Variants in PCDH15 observed in about 807,000 individuals in gnomAD.
The protein encoded by PCDH15 is protocadherin related 15, also known as protocadherin-15.
In PCDH15, 129 loss-of-function variants were observed where a neutral mutation model predicts 178.5. The ratio of observed to expected loss-of-function variants is 0.72; its 90% CI spans 0.63 to 0.84. The LOEUF (loss-of-function observed/expected upper bound fraction) is 0.84. PCDH15 is among the 40% of genes least tolerant of loss of function. The pLI is 0.00. For synonymous variants in PCDH15, 800 were observed against 732.0 expected (o/e 1.09, Z -1.50); for missense variants, 2,230 against 2,099.9 (o/e 1.06, Z -1.21).
intron 8 of PCDH15, among the ~76,000 whole-genome samples, chr10:54,288,764 G>A (rs1390495385): frequency 6.6e-6 from 1 of 152,242 alleles, no homozygotes; most frequent in Non-Finnish European, 1.5e-5. Flanking sequence ...CACACTGCTA[G>A]TGCAGCAGTC....
chr10:53,810,388 C>T (rs532198725), intron 37 of PCDH15, among the ~76,000 whole-genome samples, 168 bp downstream of exon 37: 1 of 152,188 alleles, frequency 6.6e-6, no homozygotes, highest in African/African-American at 2.4e-5. Context: ...TAATTTTCCT[C>T]CAAAGACAAG....
intron 2 of PCDH15, among the ~76,000 whole-genome samples, chr10:55,426,322 T>C (rs1440689593): frequency 6.6e-6 from 1 of 151,764 alleles, no homozygotes; most frequent in Non-Finnish European, 1.5e-5. Flanking sequence ...TGAACAGGAG[T>C]ACACCAGCGT....
chr10:55,005,197 C>A (rs1400629229), intron 2 of PCDH15, among the ~76,000 whole-genome samples: 1 of 52,112 alleles, frequency 1.9e-5, no homozygotes, highest in East Asian at 8.3e-4. Context: ...TATAGTGAGA[C>A]CCTGTCTCTA....
chr10:55,273,579 T>C (rs190863000), intron 1 of PCDH15, among the ~76,000 whole-genome samples: 63 of 152,212 alleles, frequency 4.1e-4, no homozygotes, highest in Admixed American at 3.9e-3. Context: ...TTAACATTTC[T>C]ATATATAGAT....
intron 2 of PCDH15, among the ~76,000 whole-genome samples, chr10:55,043,946 A>G (rs1049771927): frequency 1.3e-5 from 2 of 152,020 alleles, no homozygotes; most frequent in African/African-American, 4.8e-5. Context: ...ATTGAACGGT[A>G]AAAAGCATTT....
chr10:54,524,972 C>T (rs2083236501), intron 3 of PCDH15, among the ~76,000 whole-genome samples: 1 of 152,160 alleles, frequency 6.6e-6, no homozygotes, highest in African/African-American at 2.4e-5. Flanking sequence ...TTATGGATCT[C>T]TGCCTGTTAA....
In PCDH15 at chr10:54,992,628, G is replaced by A. The variant is rs1313887933; in HGVS notation, c.-79-95128C>T. 4.6e-5 allele frequency among the ~76,000 whole-genome samples: 7 copies of A among 151,948 alleles called. 1 individual carries two copies. In the Middle Eastern group the frequency reaches 0.01, roughly 221 times the overall value. The stretch of plus-strand genomic sequence containing the variant: ...AAATTAGCCGGGCGTGGTGGCAGGC[G>A]CTTGTAGTCCCAGCTACTCGGGAGG... On this transcript the variant is annotated intron_variant, in intron 2 of 5. Transcript: ENST00000458638.
At chr10:54,340,502 G>T (rs1265430833) in intron 6 of PCDH15, among the ~76,000 whole-genome samples, 1 of 152,168 alleles carries the variant, frequency 6.6e-6, no homozygotes, top group East Asian at 1.9e-4. Flanking sequence ...GAATCCATAT[G>T]GGTCTGCAGC....
chr10:54,565,022 A>C (rs1352593522), intron 2 of PCDH15, among the ~76,000 whole-genome samples: 1 of 152,162 alleles, frequency 6.6e-6, no homozygotes, highest in Non-Finnish European at 1.5e-5. Context: ...GCAGATGTCT[A>C]TTCCTGTAAC....
chr10:54,088,337 G>C (rs529949673), intron 16 of PCDH15, among the ~76,000 whole-genome samples: 1 of 152,098 alleles, frequency 6.6e-6, no homozygotes, highest in Non-Finnish European at 1.5e-5. Context: ...CCATGTGCTT[G>C]TTGGCCATTC....
At chr10:54,374,672 T>C (rs1948146415) in intron 4 of PCDH15, among the ~76,000 whole-genome samples, 2 of 151,614 alleles carry the variant, frequency 1.3e-5, no homozygotes. Context: ...AATTTTTGGG[T>C]GCTGAAAATT....
chr10:54,155,474 A>T (rs1397563091), intron 13 of PCDH15, among the ~76,000 whole-genome samples: 2 of 152,170 alleles, frequency 1.3e-5, no homozygotes, highest in Non-Finnish European at 2.9e-5. Flanking sequence ...AGTTACCTAG[A>T]TAACACTATT....
chr10:54,762,813 T>C (rs1948057805), intron 1 of PCDH15, among the ~76,000 whole-genome samples: 1 of 152,194 alleles, frequency 6.6e-6, no homozygotes, highest in Non-Finnish European at 1.5e-5. Flanking sequence ...ATGAAAGAAA[T>C]ATTTCATAAT....
intron 1 of PCDH15, among the ~76,000 whole-genome samples, chr10:54,782,919 C>T (rs1364609631): frequency 6.6e-6 from 1 of 152,054 alleles, no homozygotes; most frequent in Non-Finnish European, 1.5e-5. Flanking sequence ...AATGTGCCCA[C>T]CAGAACCCAA....
intron 3 of PCDH15, among the ~76,000 whole-genome samples, chr10:54,818,954 T>G (rs1267891821): frequency 6.6e-6 from 1 of 152,026 alleles, no homozygotes; most frequent in Non-Finnish European, 1.5e-5. Context: ...AGACAGGGCG[T>G]CATTTTGTTG....
chr10:54,225,552 A>G (rs1166805257), intron 9 of PCDH15, among the ~76,000 whole-genome samples: 4 of 152,172 alleles, frequency 2.6e-5, no homozygotes, highest in African/African-American at 7.2e-5. Flanking sequence ...GCCTCCTAAT[A>G]TCTTCTGACA....
At chr10:55,167,494 G>A (rs747104588) in intron 1 of PCDH15, among the ~76,000 whole-genome samples, 10 of 152,056 alleles carry the variant, frequency 6.6e-5, no homozygotes, top group Non-Finnish European at 4.4e-5. Context: ...CAGGGGCACA[G>A]CTTTTGTATT....
upstream of PCDH15, among the ~76,000 whole-genome samples, chr10:54,802,385 T>G (rs999493433): frequency 6.6e-6 from 1 of 152,194 alleles, no homozygotes; most frequent in Non-Finnish European, 1.5e-5. Flanking sequence ...GTTATACATT[T>G]TAAACATTAA....
chr10:54,536,356 C>T (rs907136941), intron 2 of PCDH15, among the ~76,000 whole-genome samples: 1 of 149,652 alleles, frequency 6.7e-6, no homozygotes, highest in African/African-American at 2.5e-5. Context: ...TAAAATATGT[C>T]TGTTTTTTAA....
Sources: allele counts gnomAD v4.1 joint callset (sites outside exome capture counted in the v4.1 genomes callset), GRCh38; gene constraint gnomAD v4.1.1; transcripts MANE v1.5; gene names NCBI Gene and HGNC (gene_info 2026-07-23, HGNC 2026-07-21).